SLC35D4: variants seen among roughly 807,000 people sequenced by gnomAD.
SLC35D4 encodes solute carrier family 35 member D4, also known as UDP-N-acetylglucosamine transporter SLC35D4.
At chr18:23,315,370 C>T in the SLC35D4 span, among the ~76,000 whole-genome samples, 6 of 152,196 alleles carry the variant, frequency 3.9e-5, no homozygotes, top group East Asian at 1.9e-4. Flanking sequence ...ACTTGGCCCC[C>T]GTCCGCACAC....
chr18:23,275,186 T>C, the SLC35D4 span, among the ~76,000 whole-genome samples: 32 of 151,522 alleles, frequency 2.1e-4, no homozygotes, highest in African/African-American at 7.3e-4. Flanking sequence ...CAGCAGAGGG[T>C]GGGAACTTCG....
chr18:23,284,757 ACACTCAATCATAC>A, the SLC35D4 span, among the ~76,000 whole-genome samples: 1 of 152,192 alleles, frequency 6.6e-6, no homozygotes, highest in East Asian at 1.9e-4. Flanking sequence ...TCCCGTCCCT[ACACTCAATCATAC>A]CCCTGGCTGG....
the SLC35D4 span, chr18:23,430,661 AAGAC>A: frequency 6.2e-6 from 10 of 1,612,922 alleles, no homozygotes; most frequent in African/African-American, 1.3e-5. Context: ...GGTAAATTTC[AAGAC>A]AGACAGCACA....
chr18:23,276,395 G>A, the SLC35D4 span, among the ~76,000 whole-genome samples: 15 of 151,872 alleles, frequency 9.9e-5, no homozygotes, highest in Non-Finnish European at 1.6e-4. Flanking sequence ...GCCAGAAAAG[G>A]GCACATTTTA....
the SLC35D4 span, among the ~76,000 whole-genome samples, chr18:23,400,774 C>A: frequency 6.6e-6 from 1 of 152,178 alleles, no homozygotes; most frequent in Non-Finnish European, 1.5e-5. Flanking sequence ...TGGAATGATG[C>A]CTGCTCAAGA....
chr18:23,337,817 C>T, the SLC35D4 span, among the ~76,000 whole-genome samples: 206 of 152,316 alleles, frequency 1.4e-3, no homozygotes, highest in African/African-American at 4.7e-3. Context: ...ATTACTTTCA[C>T]CCAAGCTCCT....
the SLC35D4 span, among the ~76,000 whole-genome samples, chr18:23,410,662 T>C: frequency 2.0e-5 from 3 of 151,762 alleles, no homozygotes; most frequent in South Asian, 2.1e-4. Context: ...CCGGGCATCA[T>C]GGCGGGCGCC....
At chr18:23,307,576 A>T in the SLC35D4 span, among the ~76,000 whole-genome samples, 4 of 150,426 alleles carry the variant, frequency 2.7e-5, no homozygotes, top group African/African-American at 1.0e-4. Flanking sequence ...GGTCCTAATA[A>T]GTTCAGAAGG....
chr18:23,361,876 T>A, the SLC35D4 span, among the ~76,000 whole-genome samples: 1 of 152,260 alleles, frequency 6.6e-6, no homozygotes. Context: ...ATTTTCTTAT[T>A]GAGATATAAT....
At chr18:23,330,504 C>T in the SLC35D4 span, among the ~76,000 whole-genome samples, 1 of 152,008 alleles carries the variant, frequency 6.6e-6, no homozygotes, top group Non-Finnish European at 1.5e-5. Context: ...TGGTGAATAC[C>T]CCCTACATTA....
At chr18:23,368,270 C>A in the SLC35D4 span, among the ~76,000 whole-genome samples, 3 of 152,174 alleles carry the variant, frequency 2.0e-5, no homozygotes, top group Non-Finnish European at 4.4e-5. Context: ...TGTGTGGACA[C>A]CTGAGTCTGC....
At chr18:23,350,424 G>A in the SLC35D4 span, among the ~76,000 whole-genome samples, 1 of 152,158 alleles carries the variant, frequency 6.6e-6, no homozygotes, top group Admixed American at 6.5e-5. Flanking sequence ...ACCCCAGGCT[G>A]TTTTCACATC....
the SLC35D4 span, among the ~76,000 whole-genome samples, chr18:23,264,522 C>T: frequency 4.6e-5 from 7 of 151,920 alleles, no homozygotes; most frequent in African/African-American, 1.5e-4. Flanking sequence ...GCCACTACGC[C>T]CGGCTAATTT....
chr18:23,254,157 C>T, the SLC35D4 span, among the ~76,000 whole-genome samples: 1 of 152,218 alleles, frequency 6.6e-6, no homozygotes, highest in Non-Finnish European at 1.5e-5. Context: ...AGCATTGGGT[C>T]TGGCCCTCAA....
At chr18:23,250,924 G>A in the SLC35D4 span, among the ~76,000 whole-genome samples, 2 of 152,190 alleles carry the variant, frequency 1.3e-5, no homozygotes, top group Non-Finnish European at 2.9e-5. Context: ...TCACTTGAAC[G>A]GGGATGTGCT....
At chr18:23,410,519 T>G in the SLC35D4 span, among the ~76,000 whole-genome samples, 1 of 144,002 alleles carries the variant, frequency 6.9e-6, no homozygotes, top group Non-Finnish European at 1.5e-5. Context: ...AACTGGGGGC[T>G]GGGGGCTGGG....
At chr18:23,332,205 A>AT in the SLC35D4 span, among the ~76,000 whole-genome samples, 25 of 151,906 alleles carry the variant, frequency 1.6e-4, no homozygotes, top group Admixed American at 3.3e-4. Context: ...TTGAACATGT[A>AT]TTTTTTTTAA....
the SLC35D4 span, among the ~76,000 whole-genome samples, chr18:23,397,992 G>A: frequency 6.6e-6 from 1 of 152,150 alleles, no homozygotes; most frequent in African/African-American, 2.4e-5. Context: ...AGCCCAGAAG[G>A]TCGAGGCTCC....
At chr18:23,274,786 G>C in the SLC35D4 span, among the ~76,000 whole-genome samples, 3 of 152,196 alleles carry the variant, frequency 2.0e-5, no homozygotes, top group Admixed American at 2.0e-4. Flanking sequence ...TCTCACATCT[G>C]ATTCCAGTGC....
Sources: gnomAD v4.1 joint callset for allele counts (sites outside exome capture counted in the v4.1 genomes callset) on GRCh38, gnomAD v4.1.1 for gene constraint, MANE v1.5 for transcripts, NCBI Gene and HGNC (gene_info 2026-07-23, HGNC 2026-07-21) for gene names.